DNAH2: variants seen among roughly 807,000 people sequenced by gnomAD.
DNAH2 encodes the protein axonemal beta dynein heavy chain 2.
In DNAH2, 323 loss-of-function variants were observed where a neutral mutation model predicts 523.5. The ratio of observed to expected loss-of-function variants is 0.62; its 90% confidence interval spans 0.56 to 0.68. DNAH2 has a LOEUF of 0.68. Among genes scored for constraint, DNAH2 ranks in the 30% least tolerant of loss-of-function variants. The probability of loss-of-function intolerance (pLI) is 0.00; values close to 1 mark genes in which losing one functional copy is unlikely to be tolerated. For missense variants in DNAH2, 4,907 were observed against 5,701.5 expected (o/e 0.86, Z 4.49); for synonymous variants, 2,093 against 2,177.4 (o/e 0.96, Z 1.08).
At chr17:7,745,093 C>T (rs2075478042) in intron 12 of DNAH2, among the ~76,000 whole-genome samples, 1 of 151,942 alleles carries the variant, frequency 6.6e-6, no homozygotes, top group African/African-American at 2.4e-5. Flanking sequence ...CTCCTGAGTT[C>T]AAGCAATTCT....
intron 3 of DNAH2, among the ~76,000 whole-genome samples, chr17:7,725,425 A>AATATATATATAT (rs71387992): frequency 6.4e-5 from 8 of 124,958 alleles, no homozygotes; most frequent in African/African-American, 1.6e-4. Flanking sequence ...ACTTCAAGTG[A>AATATATATATAT]ATATATATAT....
rs2076749808 is a variant in DNAH2, at chr17:7,786,830, A to G, written c.6467-67A>G. Reference sequence around the variant, plus strand: ...AAGGGAGTGTAGGCTTGTGTCTCCGAGGAGCGTGAGCGGAGGGTGCAAGGT... The same window carrying G: ...AAGGGAGTGTAGGCTTGTGTCTCCGGGGAGCGTGAGCGGAGGGTGCAAGGT... On this transcript the variant is annotated intron_variant, in intron 41 of 85. Coordinates refer to ENST00000572933, the MANE Select transcript of DNAH2 (RefSeq NM_020877.5). The surrounding 1 kb of genome is among the most constrained non-coding windows in gnomAD (Gnocchi z 7.5). The G allele has an allele frequency of 1.9e-6, 3 of 1,609,540 alleles. No homozygotes were observed. The highest frequency in any genetic ancestry group is 2.7e-5 in the African/African-American group (2 of 74,792).
Position 7,818,996 on chromosome 17 carries a change from C to G in DNAH2, c.10748C>G (p.Ala3583Gly). Residue 3583 changes from alanine (A) to glycine (G), a missense_variant, in exon 71 of 86, where the codon GCC becomes GGC. Ala to Gly is a moderately conservative substitution (Grantham distance 60, BLOSUM62 0). Coordinates refer to ENST00000572933, the MANE Select transcript of DNAH2 (RefSeq NM_020877.5). ...VNTLHTSKIT[A>G]TEVTEQLETS... ...ACGCTGCATACCTCCAAGATCACAG[C>G]CACAGAGGTGACTGAGCAGCTGGAG... 1 of 1,611,278 alleles carries G rather than the reference C, an allele frequency of 6.2e-7. No homozygotes were observed. Among genetic ancestry groups the G allele is most frequent in the Non-Finnish European group, 8.5e-7 (1 of 1,179,966 alleles).
At chr17:7,778,208 C>T in intron 34 of DNAH2, 28 bp downstream of exon 34, 1 of 1,614,068 alleles carries the variant, frequency 6.2e-7, no homozygotes, top group Non-Finnish European at 8.5e-7. Flanking sequence ...AATGAGGTGG[C>T]TGGGGTGGGG....
chr17:7,734,929 CTT>C, intron 7 of DNAH2, among the ~76,000 whole-genome samples: 1 of 151,604 alleles, frequency 6.6e-6, no homozygotes, highest in Non-Finnish European at 1.5e-5. Flanking sequence ...CATCAAGTAC[CTT>C]CTGTGAGCAC....
intron 24 of DNAH2, 126 bp from the exon 25 acceptor site, chr17:7,770,126 G>A (rs530550974): frequency 1.5e-6 from 2 of 1,301,828 alleles, no homozygotes; most frequent in Admixed American, 2.7e-5. Flanking sequence ...GCATCTTCGA[G>A]CCTGTTTAGC....
chr17:7,829,420 C>T (rs185203961), intron 77 of DNAH2, among the ~76,000 whole-genome samples: 1 of 152,124 alleles, frequency 6.6e-6, no homozygotes, highest in Non-Finnish European at 1.5e-5. Flanking sequence ...TTATTCTGTC[C>T]TCGGTGCCTT....
In DNAH2 at chr17:7,759,133, C is replaced by A; in HGVS notation, c.2448+9C>A. ...AGAATGATGGTCCTGAGGTAGGGTT[C>A]CTGTGGCCAGGATGTTGTGGTTGGA... On this transcript the variant is annotated intron_variant, in intron 15 of 85. Coordinates refer to ENST00000572933, the MANE Select transcript of DNAH2 (RefSeq NM_020877.5). The A allele has an allele frequency of 6.2e-7, 1 of 1,613,434 alleles. No homozygotes were observed. Among genetic ancestry groups the A allele is most frequent in the South Asian group, 1.1e-5 (1 of 91,060 alleles).
chr17:7,743,538 A>C, intron 12 of DNAH2: 1 of 595,878 alleles, frequency 1.7e-6, no homozygotes, highest in Non-Finnish European at 3.0e-6. Flanking sequence ...TGGTGGCACA[A>C]GCCTGTAGTC....
chr17:7,735,491 T>C (rs937675800), intron 7 of DNAH2, among the ~76,000 whole-genome samples: 1 of 152,132 alleles, frequency 6.6e-6, no homozygotes, highest in African/African-American at 2.4e-5. Flanking sequence ...GAGGCTGAAG[T>C]GCAGTGGCAC....
rs753231991 is a variant in DNAH2 at position 7,757,148 on chromosome 17, G to A, written c.1962G>A (p.Thr654=). Residue 654 remains threonine (T), a synonymous_variant, in exon 13 of 86, where the codon ACG becomes ACA. Coordinates refer to ENST00000572933, the MANE Select transcript of DNAH2 (RefSeq NM_020877.5). ...ACTGGGAGCGGCTGCTGTTTGAGAC[G>A]CCCCATTACGTGGTGAACGTAGCTG... ...IDYWERLLFE[T]PHYVVNVAER... is the part of the protein sequence containing the mutation. 35 of 1,614,038 alleles carry A rather than the reference G, an allele frequency of 2.2e-5. 1 individual carries two copies. The African/African-American group carries it at 2.5e-4, about 12-fold the overall frequency.
At position 7,740,525 on chromosome 17, in the gene DNAH2, C is replaced by T; in HGVS notation, c.1482C>T (p.Thr494=). The change falls in exon 10 of 86, where the codon ACC becomes ACT. Residue 494 remains threonine (T), a synonymous_variant. Coordinates refer to ENST00000572933, the MANE Select transcript of DNAH2 (RefSeq NM_020877.5). ...CGCACGGCGTGCTTCTGCTGGACAC[C>T]TTCCACAGGCTTGCCTCCCGCGAGG... ...DVPHGVLLLD[T]FHRLASREAI... 1.9e-6 allele frequency: 3 copies of T among 1,614,052 alleles called. No individual in the cohort carries two copies. Among genetic ancestry groups the T allele is most frequent in the Non-Finnish European group, 2.5e-6 (3 of 1,180,022 alleles).
At chr17:7,823,756 G>A (rs1597782646) in intron 74 of DNAH2, 78 bp from the exon 75 acceptor site, 18 of 1,583,336 alleles carry the variant, frequency 1.1e-5, no homozygotes, top group Middle Eastern at 1.7e-4. Context: ...GCACATTCCC[G>A]GCAGGTGCCC....
rs2077407262 is a variant in DNAH2 at position 7,807,783 on chromosome 17, G to A, written c.9729+197G>A. Among the ~76,000 whole-genome samples, 2 of 152,308 alleles carry A rather than the reference G, an allele frequency of 1.3e-5. No individual in the cohort carries two copies. Among genetic ancestry groups the A allele is most frequent in the African/African-American group, 4.8e-5 (2 of 41,572 alleles). Reference sequence around the variant, plus strand: ...CTCAGAAAGCTAAGTCAATTGCAGAGGGTTATAAAGGCTCAAAGGCACTGC... The same window carrying A: ...CTCAGAAAGCTAAGTCAATTGCAGAAGGTTATAAAGGCTCAAAGGCACTGC... On this transcript the variant is annotated intron_variant, in intron 63 of 85. Coordinates refer to ENST00000572933, the MANE Select transcript of DNAH2 (RefSeq NM_020877.5). The surrounding 1 kb of genome is among the most constrained non-coding windows in gnomAD (Gnocchi z 5.6).
chr17:7,781,929 A>C (rs368553244), intron 39 of DNAH2, among the ~76,000 whole-genome samples: 2 of 152,218 alleles, frequency 1.3e-5, no homozygotes, highest in Admixed American at 6.5e-5. Context: ...GCAGTGTGGT[A>C]GTCTAGATAC....
At chr17:7,724,241 G>A (rs534777538) in intron 3 of DNAH2, among the ~76,000 whole-genome samples, 10 of 151,878 alleles carry the variant, frequency 6.6e-5, no homozygotes, top group East Asian at 1.9e-4. Context: ...AATAACTATC[G>A]AAGAAAAAAA....
intron 33 of DNAH2, 46 bp from the exon 34 acceptor site, chr17:7,778,031 C>T: frequency 1.9e-6 from 3 of 1,541,428 alleles, no homozygotes; most frequent in Non-Finnish European, 1.8e-6. Flanking sequence ...AGCTCTAACT[C>T]TCCTTCCAAG....
Position 7,805,069 on chromosome 17 carries a change from A to AT in DNAH2, c.9296dup (p.Met3099IlefsTer62). On this transcript the variant is annotated frameshift_variant, in exon 60 of 86. Coordinates refer to ENST00000572933, the MANE Select transcript of DNAH2 (RefSeq NM_020877.5). LOFTEE classifies it high-confidence loss of function. ...GGCACTGCCCGCCCTGGAAGAGGCCATGCGGGTACCAGGGGCGGGTGCAAG... is the reference window on the plus strand; with the variant it reads ...GGCACTGCCCGCCCTGGAAGAGGCCATTGCGGGTACCAGGGGCGGGTGCAAG... 1 of 1,613,676 alleles carries AT rather than the reference A, an allele frequency of 6.2e-7. No homozygotes were observed. The highest frequency in any genetic ancestry group is 8.5e-7 in the Non-Finnish European group (1 of 1,179,650).
At chr17:7,722,078 G>A (rs307626) in intron 2 of DNAH2, among the ~76,000 whole-genome samples, 54,410 of 151,694 alleles carry the variant, frequency 0.36, 10,198 homozygotes, top group East Asian at 0.5. Flanking sequence ...GGCTCACTGC[G>A]ACCTCTGCCT....
Sources: gnomAD v4.1 joint callset for allele counts (sites outside exome capture counted in the v4.1 genomes callset) on GRCh38, gnomAD v4.1.1 for gene constraint, Gnocchi (gnomAD v3.1) non-coding constraint, MANE v1.5 for transcripts, NCBI Gene and HGNC (gene_info 2026-07-23, HGNC 2026-07-21) for gene names.